The following PRIMPOL variants were observed in gnomAD, a reference collection of about 807,000 sequenced individuals.
PRIMPOL encodes the protein primase and DNA directed polymerase.
In PRIMPOL, 54 loss-of-function variants were observed where a neutral mutation model predicts 63.6. That is an observed-to-expected ratio of 0.85 (90% CI 0.68 to 1.07). PRIMPOL has a LOEUF of 1.07. PRIMPOL is among the 50% of genes least tolerant of loss of function. The probability of loss-of-function intolerance (pLI) is 0.00; values close to 1 mark genes in which losing one functional copy is unlikely to be tolerated. For synonymous variants in PRIMPOL, 197 were observed against 220.2 expected, an observed-to-expected ratio of 0.89 and a Z score of 0.93; for missense variants, 610 against 648.3, an observed-to-expected ratio of 0.94 and a Z score of 0.64.
chr4:184,679,173 G>A (rs1234249677), intron 8 of PRIMPOL, among the ~76,000 whole-genome samples: 1 of 152,058 alleles, frequency 6.6e-6, no homozygotes, highest in Admixed American at 6.6e-5. Flanking sequence ...TTAAGAATTT[G>A]CCAACAATTA....
At chr4:184,664,196 A>G (rs888772493) in intron 5 of PRIMPOL, among the ~76,000 whole-genome samples, 1 of 152,232 alleles carries the variant, frequency 6.6e-6, no homozygotes, top group Non-Finnish European at 1.5e-5. Flanking sequence ...TGTCCTACCT[A>G]AAGCATCACT....
At position 184,678,260 on chromosome 4, in the gene PRIMPOL, G is replaced by C. The variant is rs1271447863; in HGVS notation, c.873G>C (p.Arg291=). Reference sequence around the variant, plus strand: ...TTTATACAAGAAATAGAAACTTTCGGCTATATAAATCATCAAAAATTGGAA... The same window carrying C: ...TTTATACAAGAAATAGAAACTTTCGCCTATATAAATCATCAAAAATTGGAA... ...LGVYTRNRNF[R]LYKSSKIGKR... is the part of the protein sequence containing the mutation. The change falls in exon 8 of 14, where the codon CGG becomes CGC. Residue 291 remains arginine, a synonymous_variant. Coordinates refer to ENST00000314970, the MANE Select transcript of PRIMPOL (RefSeq NM_152683.4). 4.4e-6 allele frequency: 7 copies of C among 1,588,592 alleles called. No individual in the cohort carries two copies. The highest frequency in any genetic ancestry group is 6.0e-6 in the Non-Finnish European group (7 of 1,171,362).
chr4:184,687,067 AAC>A (rs1278166796), intron 11 of PRIMPOL, among the ~76,000 whole-genome samples: 6 of 152,118 alleles, frequency 3.9e-5, no homozygotes, highest in African/African-American at 1.4e-4. Flanking sequence ...AAGTATAGAT[AAC>A]ACACTTTTTT....
chr4:184,684,854 AAAAC>A (rs1230501681), intron 9 of PRIMPOL, among the ~76,000 whole-genome samples: 2 of 152,332 alleles, frequency 1.3e-5, no homozygotes, highest in African/African-American at 2.4e-5. Context: ...TTTGTTAAAA[AAAAC>A]AAACAAAAAA....
At chr4:184,664,006 C>T (rs971947689) in intron 5 of PRIMPOL, among the ~76,000 whole-genome samples, 3 of 152,132 alleles carry the variant, frequency 2.0e-5, no homozygotes, top group African/African-American at 4.8e-5. Flanking sequence ...TCAATAAGCC[C>T]CTTCTCCACA....
intron 1 of PRIMPOL, among the ~76,000 whole-genome samples, chr4:184,650,624 A>T (rs1744035740): frequency 6.6e-6 from 1 of 152,222 alleles, no homozygotes; most frequent in Non-Finnish European, 1.5e-5. Flanking sequence ...TGCCCTACCG[A>T]TCCCCTTCCT....
intron 11 of PRIMPOL, among the ~76,000 whole-genome samples, chr4:184,686,089 T>C (rs1216318645): frequency 6.6e-6 from 1 of 152,218 alleles, no homozygotes; most frequent in African/African-American, 2.4e-5. Context: ...TGTGAGCCAC[T>C]GCACTCAGCT....
chr4:184,693,820 G>A (rs1759705993), intron 13 of PRIMPOL, among the ~76,000 whole-genome samples: 1 of 152,156 alleles, frequency 6.6e-6, no homozygotes, highest in East Asian at 1.9e-4. Flanking sequence ...TAAGCACGTA[G>A]CGGAAAGAAT....
intron 6 of PRIMPOL, among the ~76,000 whole-genome samples, chr4:184,671,950 C>T (rs1259313202): frequency 6.6e-6 from 1 of 151,938 alleles, no homozygotes; most frequent in Non-Finnish European, 1.5e-5. Context: ...CCGTGTTAAC[C>T]AGGATGGTCT....
intron 6 of PRIMPOL, among the ~76,000 whole-genome samples, chr4:184,671,952 G>C (rs1029544659): frequency 6.6e-6 from 1 of 152,004 alleles, no homozygotes; most frequent in Non-Finnish European, 1.5e-5. Flanking sequence ...GTGTTAACCA[G>C]GATGGTCTCG....
chr4:184,665,837 A>G (rs1321386079), intron 5 of PRIMPOL, 80 bp from the exon 6 acceptor site: 8 of 897,160 alleles, frequency 8.9e-6, no homozygotes, highest in Non-Finnish European at 1.2e-5. Flanking sequence ...CATAGATGAT[A>G]TATAAAGAGA....
chr4:184,656,216 C>T (rs577616150), intron 2 of PRIMPOL, among the ~76,000 whole-genome samples: 22 of 152,190 alleles, frequency 1.4e-4, no homozygotes, highest in African/African-American at 7.2e-5. Flanking sequence ...CAAAGGCACT[C>T]GTTAAACCTC....
chr4:184,687,673 C>T (rs1025722111), intron 11 of PRIMPOL, among the ~76,000 whole-genome samples: 3 of 152,144 alleles, frequency 2.0e-5, no homozygotes, highest in African/African-American at 7.2e-5. Flanking sequence ...GGGGTGCAAT[C>T]GCACGATCTC....
At chr4:184,671,191 G>A (rs1044746939) in intron 6 of PRIMPOL, among the ~76,000 whole-genome samples, 5 of 152,084 alleles carry the variant, frequency 3.3e-5, no homozygotes, top group African/African-American at 9.7e-5. Context: ...TAAATGTATC[G>A]AATTGCTTTT....
chr4:184,659,193 A>G (rs1359340712), intron 3 of PRIMPOL, 147 bp from the exon 4 acceptor site: 6 of 630,688 alleles, frequency 9.5e-6, no homozygotes, highest in African/African-American at 1.8e-5. Context: ...CCTAGTGACT[A>G]TTTGTCTTGT....
At chr4:184,686,875 C>T (rs1237010499) in intron 11 of PRIMPOL, among the ~76,000 whole-genome samples, 4 of 152,078 alleles carry the variant, frequency 2.6e-5, no homozygotes, top group South Asian at 2.1e-4. Context: ...GTAGAAAACA[C>T]GAAGGAGATA....
At chr4:184,693,274 A>AAAAT (rs1209913441) in intron 13 of PRIMPOL, among the ~76,000 whole-genome samples, 1 of 152,246 alleles carries the variant, frequency 6.6e-6, no homozygotes, top group Non-Finnish European at 1.5e-5. Flanking sequence ...TAAATTTTAA[A>AAAAT]AAATAAACTG....
chr4:184,659,397 G>T lies in PRIMPOL; in HGVS notation c.238G>T (p.Val80Leu), dbSNP rs1747617659. ...AGGAGATGGACAACGTATTTACCTT[G>T]TGACAACCTATGCTGAATTTTGGTT... ...KVGDGQRIYLVTTYAEFWFYY... is the reference protein window; with the variant it reads ...KVGDGQRIYLLTTYAEFWFYY... Residue 80 changes from valine to leucine, a missense_variant, in exon 4 of 14, where the codon GTG becomes TTG. This residue lies in a region of PRIMPOL where 159 missense variants were observed against 168.9 expected (regional missense o/e 0.94). Coordinates refer to ENST00000314970, the MANE Select transcript of PRIMPOL (RefSeq NM_152683.4). 6.2e-7 allele frequency: 1 copy of T among 1,613,936 alleles called. No homozygotes were observed. The highest frequency in any genetic ancestry group is 8.5e-7 in the Non-Finnish European group (1 of 1,179,854).
chr4:184,678,451 A>G (rs190059313), intron 8 of PRIMPOL, 57 bp downstream of exon 8: 10 of 1,227,516 alleles, frequency 8.1e-6, no homozygotes, highest in Admixed American at 2.3e-5. Flanking sequence ...TAAACAGTGA[A>G]TGGCATTGTA....
Sources: allele counts gnomAD v4.1 joint callset (sites outside exome capture counted in the v4.1 genomes callset), GRCh38; gene constraint gnomAD v4.1.1; regional missense constraint gnomAD v4.1.1; transcripts MANE v1.5; gene names NCBI Gene and HGNC (gene_info 2026-07-23, HGNC 2026-07-21).